GRIN2A: variants seen among roughly 807,000 people sequenced by gnomAD.
GRIN2A encodes glutamate ionotropic receptor NMDA type subunit 2A.
In GRIN2A, 22 loss-of-function variants were observed where a neutral mutation model predicts 113.4. That is an observed-to-expected ratio of 0.19 (90% confidence interval 0.14 to 0.28). The LOEUF (loss-of-function observed/expected upper bound fraction) is 0.28. GRIN2A is among the 10% of genes least tolerant of loss of function. GRIN2A has a pLI of 1.00. For missense variants in GRIN2A, 1,502 were observed against 1,887.0 expected (o/e 0.80, Z 3.78); for synonymous variants, 827 against 738.4 (o/e 1.12, Z -1.94).
At position 10,180,783 on chromosome 16, in the gene GRIN2A, G is replaced by A. The variant is rs1037402477; in HGVS notation, c.-18-354C>T. On this transcript the variant is annotated intron_variant, in intron 1 of 12. Coordinates refer to ENST00000330684, the MANE Select transcript of GRIN2A (RefSeq NM_001134407.3). The surrounding 1 kb of genome is among the most constrained non-coding windows in gnomAD (Gnocchi z 7.0). ...AGACCCTAAGCGCCGCGCGTGTTCT[G>A]TACCCCACCAAGCTCCTAGGTGCAC... The A allele has an allele frequency of 2.4e-6, 1 of 419,234 alleles. No individual in the cohort carries two copies. The highest frequency in any genetic ancestry group is 3.7e-5 in the Admixed American group (1 of 26,980). The allele number at this position is 419,234 out of a possible 1,614,324, so 26.0% of individuals were successfully genotyped here.
At chr16:9,822,488 G>A (rs909331550) in intron 9 of GRIN2A, 64 bp from the exon 10 acceptor site, 2 of 1,080,582 alleles carry the variant, frequency 1.9e-6, no homozygotes, top group African/African-American at 3.1e-5. Flanking sequence ...GGAGGGGGAG[G>A]AGAGAACAAA....
chr16:10,003,616 A>G (rs17670650), intron 2 of GRIN2A, among the ~76,000 whole-genome samples: 52,477 of 152,066 alleles, frequency 0.35, 9,599 homozygotes, highest in Non-Finnish European at 0.4. Flanking sequence ...TGGTTGCCTT[A>G]GCAATGAGAC....
In GRIN2A at chr16:9,849,785, G is replaced by C; in HGVS notation, c.1299C>G (p.Thr433=). 6.2e-7 allele frequency: 1 copy of C among 1,613,964 alleles called. No homozygotes were observed. The highest frequency in any genetic ancestry group is 8.5e-7 in the Non-Finnish European group (1 of 1,179,922). The stretch of plus-strand genomic sequence containing the variant: ...TTTTGACGAACTTCCGACATGGCAC[G>C]GTGTTCCTCACACACGTCTCGGTCA... ...DPLTETCVRN[T]VPCRKFVKIN... The change falls in exon 5 of 13, where the codon ACC becomes ACG. Residue 433 remains threonine (T), a synonymous_variant. Transcript: ENST00000330684.
intron 2 of GRIN2A, among the ~76,000 whole-genome samples, chr16:10,170,733 C>T (rs1032236424): frequency 6.6e-5 from 10 of 151,886 alleles, no homozygotes; most frequent in South Asian, 2.1e-4. Flanking sequence ...AAAAATTAGC[C>T]GGATATCATG....
At chr16:9,810,105 T>TAAAC (rs1484346327) in intron 10 of GRIN2A, among the ~76,000 whole-genome samples, 2 of 152,110 alleles carry the variant, frequency 1.3e-5, no homozygotes, top group African/African-American at 4.8e-5. Context: ...GAGGGCTACC[T>TAAAC]AAACAACTGA....
intron 2 of GRIN2A, among the ~76,000 whole-genome samples, chr16:10,123,872 A>G (rs1247485582): frequency 6.6e-6 from 1 of 152,176 alleles, no homozygotes; most frequent in Non-Finnish European, 1.5e-5. Context: ...ATAGTGCTCA[A>G]AATAACAGTA....
At chr16:9,926,735 G>T (rs1371071450) in intron 3 of GRIN2A, among the ~76,000 whole-genome samples, 1 of 152,152 alleles carries the variant, frequency 6.6e-6, no homozygotes, top group Non-Finnish European at 1.5e-5. Flanking sequence ...CCCAGGTGGG[G>T]ACTAAGGTGT....
chr16:9,919,907 A>G (rs1015043525), intron 3 of GRIN2A, among the ~76,000 whole-genome samples: 1 of 152,288 alleles, frequency 6.6e-6, no homozygotes, highest in African/African-American at 2.4e-5. Flanking sequence ...TCAGACTGTC[A>G]TATTACTTTC....
rs577614732 is a variant in GRIN2A at position 10,069,573 on chromosome 16, G to A, written c.414+110425C>T. Among the ~76,000 whole-genome samples, 13 of 152,352 alleles carry A rather than the reference G, an allele frequency of 8.5e-5. No individual in the cohort carries two copies. The South Asian group carries it at 2.5e-3, about 29-fold the overall frequency. On this transcript the variant is annotated intron_variant, in intron 2 of 12. Coordinates refer to ENST00000330684, the MANE Select transcript of GRIN2A (RefSeq NM_001134407.3). The stretch of plus-strand genomic sequence containing the variant: ...GTGCAGCTGCACACACCCACCTCGT[G>A]CTGCAGTAGAAGGACCCAGATCCCT...
At position 9,787,051 on chromosome 16, in the gene GRIN2A, A is replaced by AT. The variant is rs746192386; in HGVS notation, c.2356+11225dup. ...GACAGATAAAGGAGGAAGTCAAAAT[A>AT]TTTTACCTCCAAATATGTTTCTTTG... is the stretch of plus-strand genomic sequence containing the variant. On this transcript the variant is annotated intron_variant, in intron 11 of 12. Coordinates refer to ENST00000330684, the MANE Select transcript of GRIN2A (RefSeq NM_001134407.3). Among the ~76,000 whole-genome samples, 6 of 152,214 alleles carry AT rather than the reference A, an allele frequency of 3.9e-5. No individual in the cohort carries two copies. The South Asian group carries it at 1.2e-3, about 32-fold the overall frequency.
At chr16:9,770,438 G>C (rs1261710255) in intron 11 of GRIN2A, among the ~76,000 whole-genome samples, 4 of 152,128 alleles carry the variant, frequency 2.6e-5, no homozygotes, top group African/African-American at 7.2e-5. Context: ...TCTCACTCTT[G>C]AATGATATGG....
At chr16:10,021,854 C>T (rs2046731332) in intron 2 of GRIN2A, among the ~76,000 whole-genome samples, 1 of 152,044 alleles carries the variant, frequency 6.6e-6, no homozygotes, top group Non-Finnish European at 1.5e-5. Context: ...CTGCATTCTG[C>T]CCCATCTGCC....
intron 2 of GRIN2A, among the ~76,000 whole-genome samples, chr16:10,137,043 CA>C (rs2049208214): frequency 6.6e-6 from 1 of 152,210 alleles, no homozygotes; most frequent in Non-Finnish European, 1.5e-5. Context: ...ATCCTGCCTA[CA>C]AGACAACGGA....
chr16:9,977,969 G>A (rs2045808938), intron 2 of GRIN2A, among the ~76,000 whole-genome samples: 1 of 152,214 alleles, frequency 6.6e-6, no homozygotes, highest in African/African-American at 2.4e-5. Context: ...GAACAAGACA[G>A]CTGTGGTTTG....
chr16:9,800,075 A>C (rs1903268436), intron 10 of GRIN2A, among the ~76,000 whole-genome samples: 1 of 152,062 alleles, frequency 6.6e-6, no homozygotes, highest in South Asian at 2.1e-4. Flanking sequence ...CCTGGGTTCA[A>C]GTGATTCTTG....
intron 10 of GRIN2A, among the ~76,000 whole-genome samples, chr16:9,817,944 G>C (rs922448523): frequency 1.3e-5 from 2 of 152,110 alleles, no homozygotes; most frequent in African/African-American, 4.8e-5. Flanking sequence ...TTCGGGAGCA[G>C]ATGAGGTTAC....
chr16:9,954,725 G>T (rs533490204), intron 2 of GRIN2A, among the ~76,000 whole-genome samples: 2 of 152,212 alleles, frequency 1.3e-5, no homozygotes, highest in African/African-American at 2.4e-5. Flanking sequence ...AAACAAAAAG[G>T]TTGGGATTTT....
rs528576808 is a variant in GRIN2A, at chr16:9,790,200, C to T, written c.2356+8077G>A. 1.1e-4 allele frequency among the ~76,000 whole-genome samples: 16 copies of T among 152,290 alleles called. 1 individual carries two copies. In the South Asian group the frequency reaches 2.7e-3, roughly 26 times the overall value. On this transcript the variant is annotated intron_variant, in intron 11 of 12. Transcript: ENST00000330684. ...CTGGAGATACCCCAACTGTCCTCTA[C>T]GACCATTACTTCTACTGCAGAGGTC...
At chr16:10,066,804 G>A (rs970558515) in intron 2 of GRIN2A, among the ~76,000 whole-genome samples, 2 of 152,160 alleles carry the variant, frequency 1.3e-5, no homozygotes. Flanking sequence ...CTTGGGAAAT[G>A]TCACCTTTAA....
Sources: allele counts gnomAD v4.1 joint callset (sites outside exome capture counted in the v4.1 genomes callset), GRCh38; gene constraint gnomAD v4.1.1; non-coding constraint Gnocchi (gnomAD v3.1); transcripts MANE v1.5; gene names NCBI Gene and HGNC (gene_info 2026-07-23, HGNC 2026-07-21).